Variants in OTUD7A observed in about 807,000 individuals in gnomAD.
OTUD7A encodes OTU domain-containing protein 7A.
OTUD7A carries 12 observed loss-of-function variants against 65.7 expected under a neutral mutation model. That is an observed-to-expected ratio of 0.18 (90% CI 0.12 to 0.30). The LOEUF is 0.30. Among genes scored for constraint, OTUD7A ranks in the 10% least tolerant of loss-of-function variants. OTUD7A has a pLI of 1.00. For synonymous variants in OTUD7A, 641 were observed against 586.3 expected, an observed-to-expected ratio of 1.09 and a Z score of -1.35; for missense variants, 1,148 against 1,304.8, an observed-to-expected ratio of 0.88 and a Z score of 1.85.
intron 1 of OTUD7A, among the ~76,000 whole-genome samples, chr15:31,823,512 A>G (rs990178870): frequency 3.9e-5 from 6 of 152,254 alleles, no homozygotes; most frequent in Admixed American, 3.9e-4. Flanking sequence ...TGTTTTTGAG[A>G]GTCGCCATAT....
At chr15:31,658,906 C>T (rs1892071652) in intron 1 of OTUD7A, among the ~76,000 whole-genome samples, 1 of 150,456 alleles carries the variant, frequency 6.6e-6, no homozygotes, top group African/African-American at 2.4e-5. Flanking sequence ...GTGGCAGGCA[C>T]CTGTAATCCC....
intron 4 of OTUD7A, among the ~76,000 whole-genome samples, chr15:31,566,110 G>C (rs1305568399): frequency 1.3e-5 from 2 of 151,320 alleles, no homozygotes; most frequent in Non-Finnish European, 2.9e-5. Context: ...AGAATGGTGT[G>C]AACCCATGAG....
intron 3 of OTUD7A, among the ~76,000 whole-genome samples, chr15:31,601,787 C>G (rs1291973347): frequency 1.3e-5 from 2 of 152,114 alleles, no homozygotes; most frequent in African/African-American, 4.8e-5. Flanking sequence ...CACCACTGAT[C>G]CCACAGAAAT....
At chr15:31,757,167 T>C (rs1035896660) in intron 1 of OTUD7A, among the ~76,000 whole-genome samples, 3 of 152,090 alleles carry the variant, frequency 2.0e-5, no homozygotes, top group African/African-American at 7.2e-5. Context: ...GAGGCAGATC[T>C]CATTAATCCT....
At chr15:31,595,719 C>T (rs1308758588) in intron 3 of OTUD7A, among the ~76,000 whole-genome samples, 2 of 152,242 alleles carry the variant, frequency 1.3e-5, no homozygotes, top group Non-Finnish European at 2.9e-5. Context: ...GAAGAGGTGT[C>T]AGCAGAGCCG....
chr15:31,482,590 G>C lies in OTUD7A; in HGVS notation c.*704C>G, dbSNP rs2041142895. 1 of 152,270 alleles carries C rather than the reference G, an allele frequency of 6.6e-6. No homozygotes were observed. The highest frequency in any genetic ancestry group is 1.5e-5 in the Non-Finnish European group (1 of 68,058). 9.4% of individuals were successfully genotyped at this position (152,270 alleles called of 1,614,324 possible). On this transcript the variant is annotated 3_prime_UTR_variant, in exon 13 of 13. Coordinates refer to ENST00000307050, the MANE Select transcript of OTUD7A (RefSeq NM_001382637.1). ...CTGCCCGGCACTGGGAGCCATCGCT[G>C]TACCTCACGGCGCCCGCGAGACGGG... is the stretch of plus-strand genomic sequence containing the variant.
intron 3 of OTUD7A, among the ~76,000 whole-genome samples, chr15:31,642,730 G>A (rs1274982238): frequency 1.3e-5 from 2 of 151,746 alleles, no homozygotes; most frequent in African/African-American, 4.8e-5. Flanking sequence ...AATCTGTACT[G>A]AGGTCATCTC....
chr15:31,828,739 G>A (rs934086098), intron 1 of OTUD7A, among the ~76,000 whole-genome samples: 1 of 152,092 alleles, frequency 6.6e-6, no homozygotes, highest in Admixed American at 6.6e-5. Context: ...CCATCTCCCT[G>A]AGCTTTTGGC....
At chr15:31,511,044 GTATATCTATATGTA>G (rs2041709732) in intron 8 of OTUD7A, among the ~76,000 whole-genome samples, 1 of 79,350 alleles carries the variant, frequency 1.3e-5, no homozygotes, top group Non-Finnish European at 2.3e-5. Flanking sequence ...TAACATACAT[GTATATCTATATGTA>G]ACATACATAT....
At chr15:31,857,991 C>T (rs1409730741) in intron 1 of OTUD7A, among the ~76,000 whole-genome samples, 1 of 152,176 alleles carries the variant, frequency 6.6e-6, no homozygotes, top group Non-Finnish European at 1.5e-5. Context: ...TTACGAAGAA[C>T]GCATGGTTTC....
chr15:31,775,290 TAAC>T (rs1374194698), intron 1 of OTUD7A, among the ~76,000 whole-genome samples: 1 of 152,100 alleles, frequency 6.6e-6, no homozygotes, highest in East Asian at 1.9e-4. Context: ...CATTTAAAAA[TAAC>T]AAAAGCCACA....
chr15:31,844,067 A>G (rs751129891), intron 1 of OTUD7A, among the ~76,000 whole-genome samples: 1 of 152,240 alleles, frequency 6.6e-6, no homozygotes, highest in Non-Finnish European at 1.5e-5. Flanking sequence ...CTTCGACGGA[A>G]TATTTGAAAA....
rs778320475 is a variant in OTUD7A at position 31,484,353 on chromosome 15, C to G, written c.1743G>C (p.Glu581Asp). 4.4e-6 allele frequency: 7 copies of G among 1,601,004 alleles called. No homozygotes were observed. The South Asian group carries it at 7.7e-5, about 18-fold the overall frequency. Residue 581 changes from glutamate (E) to aspartate (D), a missense_variant, in exon 13 of 13, where the codon GAG becomes GAC. By Grantham distance (45) the Glu-to-Asp change is conservative (BLOSUM62 2). Around this residue, in one of 6 missense-constraint regions of OTUD7A, gnomAD observed 842 missense variants for 769.5 expected, o/e 1.09. Coordinates refer to ENST00000307050, the MANE Select transcript of OTUD7A (RefSeq NM_001382637.1). The surrounding 1 kb of genome is among the most constrained non-coding windows in gnomAD (Gnocchi z 4.5). Reference sequence around the variant, plus strand: ...GCGACGTGCTGGCCGACGCACCAGACTCCTCCTTGCTGCCCTTGCGCGACT... The same window carrying G: ...GCGACGTGCTGGCCGACGCACCAGAGTCCTCCTTGCTGCCCTTGCGCGACT... ...KAKSRKGSKE[E>D]SGASASTSPS...
intron 3 of OTUD7A, among the ~76,000 whole-genome samples, chr15:31,610,865 G>A (rs1235732709): frequency 2.6e-5 from 4 of 151,166 alleles, no homozygotes; most frequent in Non-Finnish European, 4.4e-5. Context: ...TCCTGACCTC[G>A]TGATCTGCCT....
intron 1 of OTUD7A, among the ~76,000 whole-genome samples, chr15:31,857,869 A>C (rs1482329302): frequency 1.3e-5 from 2 of 152,166 alleles, no homozygotes; most frequent in Non-Finnish European, 2.9e-5. Flanking sequence ...TCTCTATTAT[A>C]ATGTGTGCAG....
At chr15:31,681,253 A>AT (rs1892707480) in intron 1 of OTUD7A, among the ~76,000 whole-genome samples, 1 of 151,424 alleles carries the variant, frequency 6.6e-6, no homozygotes, top group Non-Finnish European at 1.5e-5. Flanking sequence ...CTAACTATCC[A>AT]TGTTTCTTTC....
chr15:31,501,933 G>C (rs538692724), intron 9 of OTUD7A, 94 bp from the exon 10 acceptor site: 1 of 1,382,634 alleles, frequency 7.2e-7, no homozygotes, highest in South Asian at 1.4e-5. Flanking sequence ...ACCCCGGGGG[G>C]ACTCCGTGGA....
At chr15:31,830,313 G>A (rs1262261954) in intron 1 of OTUD7A, among the ~76,000 whole-genome samples, 1 of 152,176 alleles carries the variant, frequency 6.6e-6, no homozygotes, top group African/African-American at 2.4e-5. Flanking sequence ...AAATGGAAAT[G>A]AAACATCTGT....
chr15:31,534,773 T>C (rs879623397), intron 5 of OTUD7A, among the ~76,000 whole-genome samples: 3 of 152,176 alleles, frequency 2.0e-5, no homozygotes, highest in Non-Finnish European at 4.4e-5. Flanking sequence ...CAGGATTGGT[T>C]CTGGGACCCC....
Sources: gnomAD v4.1 joint callset for allele counts (sites outside exome capture counted in the v4.1 genomes callset) on GRCh38, gnomAD v4.1.1 for gene constraint, gnomAD v4.1.1 regional missense constraint, Gnocchi (gnomAD v3.1) non-coding constraint, MANE v1.5 for transcripts, NCBI Gene and HGNC (gene_info 2026-07-23, HGNC 2026-07-21) for gene names.